NCAM2: variants seen among roughly 807,000 people sequenced by gnomAD.
The protein encoded by NCAM2 is neural cell adhesion molecule 2, also known as N-CAM-2.
A neutral mutation model predicts 98.1 loss-of-function variants in NCAM2; 30 were observed. The ratio of observed to expected loss-of-function variants is 0.31; its 90% CI spans 0.23 to 0.41. The LOEUF is 0.41. NCAM2 is among the 10% of genes least tolerant of loss of function. The pLI is 1.00. For missense variants in NCAM2, 867 were observed against 1,005.8 expected (o/e 0.86, Z 1.87); for synonymous variants, 368 against 342.4 (o/e 1.07, Z -0.83).
At chr21:21,241,149 C>G (rs2071050402) in intron 1 of NCAM2, among the ~76,000 whole-genome samples, 1 of 151,912 alleles carries the variant, frequency 6.6e-6, no homozygotes, top group Non-Finnish European at 1.5e-5. Flanking sequence ...GTATATGATG[C>G]AAACACTTTC....
intron 1 of NCAM2, among the ~76,000 whole-genome samples, chr21:21,009,901 G>GTGTGTGTGTGTGTC (rs2146132704): frequency 6.6e-6 from 1 of 151,516 alleles, no homozygotes; most frequent in South Asian, 2.1e-4. Context: ...GTGTGTGTGT[G>GTGTGTGTGTGTGTC]TGTGTGTGTG....
chr21:21,097,677 T>G (rs1490111951), intron 1 of NCAM2, among the ~76,000 whole-genome samples: 1 of 151,548 alleles, frequency 6.6e-6, no homozygotes, highest in African/African-American at 2.4e-5. Flanking sequence ...CAAGGCTGTT[T>G]TGTGCAAGAA....
chr21:21,190,807 G>A (rs1312390706), intron 1 of NCAM2, among the ~76,000 whole-genome samples: 2 of 152,114 alleles, frequency 1.3e-5, no homozygotes, highest in African/African-American at 4.8e-5. Flanking sequence ...TCTAAGAATA[G>A]CATGTACCTT....
chr21:21,265,900 A>G (rs908264125), intron 1 of NCAM2, among the ~76,000 whole-genome samples: 10 of 152,122 alleles, frequency 6.6e-5, no homozygotes, highest in African/African-American at 2.2e-4. Context: ...CCCTGAATCT[A>G]TAATAAAAAA....
chr21:21,092,532 A>T (rs902243134), intron 1 of NCAM2, among the ~76,000 whole-genome samples: 2 of 152,008 alleles, frequency 1.3e-5, no homozygotes, highest in African/African-American at 4.8e-5. Flanking sequence ...ACTCATAGAA[A>T]CTACCTGCTT....
At chr21:21,404,869 TTTTTTACAAAAGCAACTTTACAATAG>T (rs745769555) in intron 9 of NCAM2, among the ~76,000 whole-genome samples, 7 of 151,542 alleles carry the variant, frequency 4.6e-5, no homozygotes, top group South Asian at 2.1e-4. Flanking sequence ...GTAAAGTTGC[TTTTTTACAAAAGCAACTTTACAATAG>T]TAAAGCCTAC....
intron 9 of NCAM2, chr21:21,385,493 A>G (rs1232998735): frequency 2.1e-6 from 1 of 482,696 alleles, no homozygotes; most frequent in African/African-American, 2.0e-5. Flanking sequence ...TGAGTAGAAA[A>G]GAGTCAAACC....
At chr21:21,130,755 C>T (rs1162020240) in intron 1 of NCAM2, among the ~76,000 whole-genome samples, 1 of 151,770 alleles carries the variant, frequency 6.6e-6, no homozygotes, top group Non-Finnish European at 1.5e-5. Context: ...GTGTTTTTAA[C>T]AGTGGTATTA....
At chr21:21,183,469 T>C (rs191229764) in intron 1 of NCAM2, among the ~76,000 whole-genome samples, 1 of 152,162 alleles carries the variant, frequency 6.6e-6, no homozygotes, top group African/African-American at 2.4e-5. Context: ...CATGGGGACA[T>C]ATTAGTGGGG....
rs770999316 is a variant in NCAM2, at chr21:21,373,851, C to T, written c.1045-12C>T. 8 of 1,576,178 alleles carry T rather than the reference C, an allele frequency of 5.1e-6. No individual in the cohort carries two copies. Among genetic ancestry groups the T allele is most frequent in the Middle Eastern group, 1.7e-4 (1 of 5,822 alleles). On this transcript the variant is annotated splice_polypyrimidine_tract_variant and intron_variant, in intron 8 of 17. Coordinates refer to ENST00000400546, the MANE Select transcript of NCAM2 (RefSeq NM_004540.5). ...CATAAAATCTTTCTTTTTCCTGAAT[C>T]GATGTAAACAGAGCCTGGACGGCCG...
At chr21:21,153,013 G>A (rs2067493271) in intron 1 of NCAM2, among the ~76,000 whole-genome samples, 1 of 151,808 alleles carries the variant, frequency 6.6e-6, no homozygotes, top group African/African-American at 2.4e-5. Flanking sequence ...AAGTCAGGGT[G>A]ATCTAGTTTT....
At chr21:21,321,054 CT>C (rs1464795884) in intron 5 of NCAM2, among the ~76,000 whole-genome samples, 1 of 152,122 alleles carries the variant, frequency 6.6e-6, no homozygotes, top group Non-Finnish European at 1.5e-5. Context: ...TATCAAATAA[CT>C]TTGGTGTTAA....
At chr21:21,146,026 G>C (rs1200671729) in intron 1 of NCAM2, among the ~76,000 whole-genome samples, 1 of 152,098 alleles carries the variant, frequency 6.6e-6, no homozygotes, top group African/African-American at 2.4e-5. Flanking sequence ...GGAAACTTTT[G>C]CAACAGAGAA....
At chr21:21,124,972 A>T (rs1181489620) in intron 1 of NCAM2, among the ~76,000 whole-genome samples, 1 of 152,160 alleles carries the variant, frequency 6.6e-6, no homozygotes, top group Non-Finnish European at 1.5e-5. Flanking sequence ...CTAAAAATTA[A>T]ATTATATAAG....
intron 1 of NCAM2, among the ~76,000 whole-genome samples, chr21:21,039,544 T>C (rs895859285): frequency 6.6e-6 from 1 of 152,186 alleles, no homozygotes; most frequent in African/African-American, 2.4e-5. Context: ...TGTAATACAA[T>C]ATCACATGTA....
intron 5 of NCAM2, among the ~76,000 whole-genome samples, chr21:21,292,680 TATGAAATCATG>T (rs2073340310): frequency 6.6e-6 from 1 of 151,958 alleles, no homozygotes; most frequent in South Asian, 2.1e-4. Context: ...TGACTGGTTT[TATGAAATCATG>T]ATGAAATCTC....
At chr21:21,530,945 C>T (rs927147863) in intron 16 of NCAM2, among the ~76,000 whole-genome samples, 4 of 151,920 alleles carry the variant, frequency 2.6e-5, no homozygotes, top group African/African-American at 9.7e-5. Context: ...GCATATTTCT[C>T]TACAACTTCT....
chr21:21,219,871 T>A (rs2070068183), intron 1 of NCAM2, among the ~76,000 whole-genome samples: 1 of 152,126 alleles, frequency 6.6e-6, no homozygotes, highest in South Asian at 2.1e-4. Flanking sequence ...ATAATTCTGA[T>A]TCTGATCTTG....
intron 12 of NCAM2, among the ~76,000 whole-genome samples, chr21:21,455,715 A>G (rs1405243713): frequency 6.6e-6 from 1 of 152,068 alleles, no homozygotes; most frequent in Admixed American, 6.6e-5. Flanking sequence ...CAAACCATTC[A>G]TATTAATTCA....
Sources: gnomAD v4.1 joint callset for allele counts (sites outside exome capture counted in the v4.1 genomes callset) on GRCh38, gnomAD v4.1.1 for gene constraint, MANE v1.5 for transcripts, NCBI Gene and HGNC (gene_info 2026-07-23, HGNC 2026-07-21) for gene names.